Variants in COLGALT2 observed in about 807,000 individuals in gnomAD.
COLGALT2 encodes the protein procollagen galactosyltransferase 2.
A neutral mutation model predicts 73.4 loss-of-function variants in COLGALT2; 49 were observed. The ratio of observed to expected loss-of-function variants is 0.67; its 90% CI spans 0.53 to 0.85. The LOEUF is 0.85. COLGALT2 is among the 40% of genes least tolerant of loss of function. The pLI is 0.00. For missense variants in COLGALT2, 722 were observed against 790.2 expected, an observed-to-expected ratio of 0.91 and a Z score of 1.03; for synonymous variants, 295 against 307.6, an observed-to-expected ratio of 0.96 and a Z score of 0.43.
intron 1 of COLGALT2, among the ~76,000 whole-genome samples, chr1:183,985,812 G>C (rs570967625): frequency 1.3e-5 from 2 of 152,248 alleles, no homozygotes; most frequent in Admixed American, 1.3e-4. Context: ...AACAAACTTA[G>C]TCACCACCTG....
At chr1:183,940,552 G>T in intron 11 of COLGALT2, 29 bp downstream of exon 11, 1 of 1,601,348 alleles carries the variant, frequency 6.2e-7, no homozygotes, top group South Asian at 1.1e-5. Flanking sequence ...CTGTGCCCAA[G>T]GGAAGGCAGG....
At chr1:184,017,879 A>G (rs1186310288) in intron 1 of COLGALT2, among the ~76,000 whole-genome samples, 1 of 152,154 alleles carries the variant, frequency 6.6e-6, no homozygotes, top group African/African-American at 2.4e-5. Context: ...TGAGGCTACT[A>G]CTACTACTAT....
chr1:184,021,448 G>A (rs1649179372), intron 1 of COLGALT2, among the ~76,000 whole-genome samples: 1 of 152,202 alleles, frequency 6.6e-6, no homozygotes, highest in Non-Finnish European at 1.5e-5. Context: ...GAATGAGGGG[G>A]TTTGTTATCA....
At chr1:184,032,833 A>T (rs887533289) in intron 1 of COLGALT2, among the ~76,000 whole-genome samples, 1 of 152,256 alleles carries the variant, frequency 6.6e-6, no homozygotes, top group Non-Finnish European at 1.5e-5. Context: ...TTCTAGTTAA[A>T]CAATTATGAA....
chr1:184,028,219 T>C (rs1353068254), intron 1 of COLGALT2, among the ~76,000 whole-genome samples: 1 of 152,170 alleles, frequency 6.6e-6, no homozygotes, highest in Non-Finnish European at 1.5e-5. Context: ...CAACCACACT[T>C]TTCACAACTA....
At chr1:183,939,443 G>A (rs934194711) in intron 11 of COLGALT2, among the ~76,000 whole-genome samples, 3 of 152,202 alleles carry the variant, frequency 2.0e-5, no homozygotes, top group Admixed American at 1.3e-4. Flanking sequence ...GAGGCTTAGA[G>A]GCACGCAGGC....
At chr1:183,970,610 G>A (rs1671010975) in intron 4 of COLGALT2, among the ~76,000 whole-genome samples, 1 of 152,204 alleles carries the variant, frequency 6.6e-6, no homozygotes, top group South Asian at 2.1e-4. Context: ...GGACTCAGAA[G>A]ATGTGGGTCT....
rs145803140 is a variant in COLGALT2, at chr1:184,012,893, C to T, written c.263+24202G>A. ...TGTTTACCTTTTCCCAAATATTTAC[C>T]GAGCAGCTTCCTATAAGGCACCTCA... On this transcript the variant is annotated intron_variant, in intron 1 of 11. Transcript: ENST00000361927. Among the ~76,000 whole-genome samples, 322 of 152,280 alleles carry T rather than the reference C, an allele frequency of 2.1e-3. 1 individual carries two copies. Among genetic ancestry groups the T allele is most frequent in the African/African-American group, 6.0e-3 (248 of 41,538 alleles).
intron 5 of COLGALT2, among the ~76,000 whole-genome samples, chr1:183,967,619 T>A (rs1670914708): frequency 6.6e-6 from 1 of 152,218 alleles, no homozygotes; most frequent in African/African-American, 2.4e-5. Flanking sequence ...TGCATCATAA[T>A]AATGCTTTGT....
chr1:183,941,587 C>A (rs889870189), intron 10 of COLGALT2, among the ~76,000 whole-genome samples: 1 of 152,218 alleles, frequency 6.6e-6, no homozygotes, highest in Non-Finnish European at 1.5e-5. Context: ...TCCTTCTTGC[C>A]TGCCAGGTAA....
chr1:183,997,162 A>C (rs1671792825), intron 1 of COLGALT2, among the ~76,000 whole-genome samples: 1 of 152,210 alleles, frequency 6.6e-6, no homozygotes, highest in Admixed American at 6.5e-5. Context: ...TTTCTGTAGA[A>C]AAAAACCACA....
chr1:184,011,134 T>C (rs938473986), intron 1 of COLGALT2, among the ~76,000 whole-genome samples: 1 of 152,190 alleles, frequency 6.6e-6, no homozygotes, highest in African/African-American at 2.4e-5. Context: ...CAAGAAACAA[T>C]TCAAAGCCTT....
chr1:184,026,744 C>G (rs79210363), intron 1 of COLGALT2, among the ~76,000 whole-genome samples: 1,540 of 152,070 alleles, frequency 0.01, 22 homozygotes, highest in African/African-American at 0.035. Flanking sequence ...GGTATGCCAA[C>G]GGGAAAAATC....
At chr1:183,935,800 A>G (rs1441233802), downstream of COLGALT2, 3 of 963,600 alleles carry the variant, frequency 3.1e-6, no homozygotes, top group African/African-American at 3.5e-5. Context: ...TTGGCCATTG[A>G]TCAGTGCCTG....
Position 183,990,734 on chromosome 1 carries a change from T to A in COLGALT2, c.264-12214A>T, listed in dbSNP as rs543040673. Among the ~76,000 whole-genome samples the A allele has an allele frequency of 7.2e-5, 11 of 152,348 alleles. No homozygotes were observed. In the South Asian group the frequency reaches 1.4e-3, roughly 20 times the overall value. On this transcript the variant is annotated intron_variant, in intron 1 of 11. Coordinates refer to ENST00000361927, the MANE Select transcript of COLGALT2 (RefSeq NM_015101.4). Reference sequence around the variant, plus strand: ...GGCAGAAAGGGATGAAAGAGTCTGATGTGTTTGTGGAACTCCACGTAAATT... The same window carrying A: ...GGCAGAAAGGGATGAAAGAGTCTGAAGTGTTTGTGGAACTCCACGTAAATT...
chr1:183,977,812 A>AAGAGAGAGAG (rs59481089), intron 2 of COLGALT2, among the ~76,000 whole-genome samples: 1,057 of 52,418 alleles, frequency 0.02, 17 homozygotes, highest in Admixed American at 0.065. Context: ...GAAAGAGAGA[A>AAGAGAGAGAG]AGAGAGAGAG....
At chr1:184,015,761 A>G (rs79208408) in intron 1 of COLGALT2, among the ~76,000 whole-genome samples, 2,339 of 152,296 alleles carry the variant, frequency 0.015, 64 homozygotes, top group African/African-American at 0.053. Context: ...TTAGTGCCAG[A>G]TGACAAGCCA....
At chr1:183,981,159 C>T (rs1335928043) in intron 1 of COLGALT2, among the ~76,000 whole-genome samples, 1 of 151,864 alleles carries the variant, frequency 6.6e-6, no homozygotes, top group Non-Finnish European at 1.5e-5. Context: ...CGTAATATTC[C>T]CATGGAACAA....
intron 10 of COLGALT2, among the ~76,000 whole-genome samples, chr1:183,941,941 GGAC>G (rs1224232461): frequency 1.3e-5 from 2 of 150,952 alleles, no homozygotes; most frequent in African/African-American, 4.9e-5. Flanking sequence ...TGTTTTGGTA[GGAC>G]GACAGTTTAC....
Sources: allele counts gnomAD v4.1 joint callset (sites outside exome capture counted in the v4.1 genomes callset), GRCh38; gene constraint gnomAD v4.1.1; transcripts MANE v1.5; gene names NCBI Gene and HGNC (gene_info 2026-07-23, HGNC 2026-07-21).